CFAP54: variants seen among roughly 807,000 people sequenced by gnomAD.
CFAP54 encodes cilia- and flagella-associated protein 54.
In CFAP54, 290 loss-of-function variants were observed where a neutral mutation model predicts 370.4. The observed-to-expected ratio is 0.78, with a 90% CI of 0.71 to 0.86. The LOEUF is 0.86. Among genes scored for constraint, CFAP54 ranks in the 40% least tolerant of loss-of-function variants. CFAP54 has a pLI of 0.00. For missense variants in CFAP54, 3,399 were observed against 3,528.7 expected (o/e 0.96, Z 0.93); for synonymous variants, 1,206 against 1,236.5 (o/e 0.98, Z 0.52).
At chr12:96,743,592 A>G (rs1958076879) in intron 53 of CFAP54, 33 bp downstream of exon 53, 1 of 1,612,780 alleles carries the variant, frequency 6.2e-7, no homozygotes, top group Non-Finnish European at 8.5e-7. Flanking sequence ...ATTTATAGTC[A>G]GGGAGGGATT....
intron 58 of CFAP54, among the ~76,000 whole-genome samples, chr12:96,759,914 C>T (rs953922238): frequency 2.6e-5 from 4 of 152,142 alleles, no homozygotes; most frequent in Admixed American, 1.3e-4. Context: ...ATTCTTCTTC[C>T]TATTTTGTTA....
At chr12:96,556,601 A>G (rs1017969748) in intron 17 of CFAP54, among the ~76,000 whole-genome samples, 1 of 152,130 alleles carries the variant, frequency 6.6e-6, no homozygotes, top group Middle Eastern at 3.2e-3. Flanking sequence ...TCACATGCAC[A>G]TGTATGTTCA....
intron 66 of CFAP54, among the ~76,000 whole-genome samples, chr12:96,845,839 A>G (rs1352441097): frequency 1.3e-5 from 2 of 152,236 alleles, no homozygotes; most frequent in Admixed American, 1.3e-4. Context: ...TTGGAATTAG[A>G]AGAGTCTAAA....
chr12:96,511,251 A>T (rs1168365661), intron 4 of CFAP54, among the ~76,000 whole-genome samples: 2 of 152,124 alleles, frequency 1.3e-5, no homozygotes, highest in African/African-American at 4.8e-5. Flanking sequence ...GATGTTTATT[A>T]TGCTTATAGT....
At chr12:96,582,143 C>G (rs1457922434) in intron 22 of CFAP54, among the ~76,000 whole-genome samples, 1 of 152,004 alleles carries the variant, frequency 6.6e-6, no homozygotes, top group African/African-American at 2.4e-5. Flanking sequence ...TAGCTACTTC[C>G]CAGAGGTATT....
In CFAP54 at chr12:96,848,684, G is replaced by A. The variant is rs566751066; in HGVS notation, c.9172-12135G>A. ...CTGCACTCCAGCCTGGCAACAGAAC[G>A]AGACTCCGTCTCAAGAAAGAAAAAA... On this transcript the variant is annotated intron_variant, in intron 66 of 67. Transcript: ENST00000524981. 2.6e-5 allele frequency among the ~76,000 whole-genome samples: 4 copies of A among 152,184 alleles called. No homozygotes were observed. The South Asian group carries it at 6.2e-4, about 24-fold the overall frequency.
At chr12:96,728,903 C>T (rs962089126) in intron 50 of CFAP54, among the ~76,000 whole-genome samples, 2 of 152,192 alleles carry the variant, frequency 1.3e-5, no homozygotes, top group Non-Finnish European at 2.9e-5. Flanking sequence ...ACAGACAGGA[C>T]CCTCAGCTGC....
intron 65 of CFAP54, among the ~76,000 whole-genome samples, chr12:96,825,346 G>A (rs1466063357): frequency 1.7e-5 from 2 of 116,228 alleles, no homozygotes; most frequent in Admixed American, 1.0e-4. Flanking sequence ...TATATATTAT[G>A]TAACATGTTA....
At chr12:96,818,490 T>C (rs571354235) in intron 65 of CFAP54, among the ~76,000 whole-genome samples, 7 of 152,334 alleles carry the variant, frequency 4.6e-5, no homozygotes, top group Non-Finnish European at 7.3e-5. Flanking sequence ...GAGACAGTTA[T>C]ATGGAGACCA....
chr12:96,747,765 A>T (rs1359098037), intron 55 of CFAP54, among the ~76,000 whole-genome samples: 4 of 152,178 alleles, frequency 2.6e-5, no homozygotes, highest in African/African-American at 4.8e-5. Flanking sequence ...TGCAAAATGG[A>T]GGTAGGCTAT....
chr12:96,641,941 G>A lies in CFAP54; in HGVS notation c.4317-2237G>A, dbSNP rs534557500. 1.7e-3 allele frequency among the ~76,000 whole-genome samples: 250 copies of A among 147,522 alleles called. 1 individual carries two copies. The highest frequency in any genetic ancestry group is 2.6e-3 in the Non-Finnish European group (175 of 66,084). Reference sequence around the variant, plus strand: ...CGGGGCCTGTTGTGGGGTGGTGCGGGGGGGGAGGGATAGCATTAGGAGATA... The same window carrying A: ...CGGGGCCTGTTGTGGGGTGGTGCGGAGGGGGAGGGATAGCATTAGGAGATA... On this transcript the variant is annotated intron_variant, in intron 32 of 67. Coordinates refer to ENST00000524981, the MANE Select transcript of CFAP54 (RefSeq NM_001306084.2).
chr12:96,634,221 A>G, intron 32 of CFAP54, among the ~76,000 whole-genome samples: 1 of 151,398 alleles, frequency 6.6e-6, no homozygotes, highest in East Asian at 1.9e-4. Context: ...ACGCTTGACT[A>G]ATTTTTGTAT....
chr12:96,789,012 G>C (rs1318740458), intron 62 of CFAP54, among the ~76,000 whole-genome samples: 1 of 152,206 alleles, frequency 6.6e-6, no homozygotes, highest in Non-Finnish European at 1.5e-5. Flanking sequence ...ATCTTTATGA[G>C]TGATGAAGTT....
intron 67 of CFAP54, among the ~76,000 whole-genome samples, chr12:96,868,524 T>C (rs895920097): frequency 6.6e-6 from 1 of 152,082 alleles, no homozygotes; most frequent in Non-Finnish European, 1.5e-5. Flanking sequence ...ACATTCTCGT[T>C]TTCCTTTCCA....
At chr12:96,562,574 G>C (rs1405180565) in intron 17 of CFAP54, among the ~76,000 whole-genome samples, 2 of 151,540 alleles carry the variant, frequency 1.3e-5, no homozygotes, top group Admixed American at 6.6e-5. Flanking sequence ...CTACAGGCAT[G>C]TGCCACCACA....
At chr12:96,849,985 G>A (rs189652303) in intron 66 of CFAP54, among the ~76,000 whole-genome samples, 3 of 152,230 alleles carry the variant, frequency 2.0e-5, no homozygotes, top group Admixed American at 1.3e-4. Context: ...TGGACTCAAA[G>A]ATATTTACAA....
chr12:96,619,558 T>G (rs946443133), intron 26 of CFAP54, among the ~76,000 whole-genome samples: 2 of 152,238 alleles, frequency 1.3e-5, no homozygotes, highest in African/African-American at 4.8e-5. Flanking sequence ...ATTGTTATGC[T>G]AAACATCTGG....
intron 4 of CFAP54, 87 bp downstream of exon 4, chr12:96,507,186 A>G: frequency 9.9e-7 from 1 of 1,006,418 alleles, no homozygotes; most frequent in Non-Finnish European, 1.4e-6. Flanking sequence ...GTACCTTGTG[A>G]TTTAAAACAT....
chr12:96,716,800 G>C (rs542448348), intron 48 of CFAP54, among the ~76,000 whole-genome samples: 4 of 152,316 alleles, frequency 2.6e-5, no homozygotes, highest in Non-Finnish European at 5.9e-5. Context: ...GGATAAGACC[G>C]AATTTAACTG....
Sources: gnomAD v4.1 joint callset for allele counts (sites outside exome capture counted in the v4.1 genomes callset) on GRCh38, gnomAD v4.1.1 for gene constraint, MANE v1.5 for transcripts, NCBI Gene and HGNC (gene_info 2026-07-23, HGNC 2026-07-21) for gene names.